Variants in ZC3H12B observed in about 807,000 individuals in gnomAD.
ZC3H12B encodes the protein probable ribonuclease ZC3H12B.
In ZC3H12B, 7 loss-of-function variants were observed where a neutral mutation model predicts 43.9. The observed-to-expected ratio is 0.16, with a 90% CI of 0.09 to 0.30. ZC3H12B has a LOEUF of 0.30. ZC3H12B is among the 10% of genes least tolerant of loss of function. ZC3H12B has a pLI of 1.00. For synonymous variants in ZC3H12B, 222 were observed against 241.7 expected, an observed-to-expected ratio of 0.92 and a Z score of 0.76; for missense variants, 475 against 670.2, an observed-to-expected ratio of 0.71 and a Z score of 3.22.
the ZC3H12B span, among the ~76,000 whole-genome samples, chrX:65,140,404 T>C: frequency 3.7e-3 from 419 of 111,909 alleles, 1 homozygote; most frequent in African/African-American, 0.013. Flanking sequence ...AATTTATAAA[T>C]TTGTATATAT....
At chrX:65,249,152 G>A in the ZC3H12B span, among the ~76,000 whole-genome samples, 1 of 111,260 alleles carries the variant, frequency 9.0e-6, no homozygotes, top group East Asian at 2.8e-4. Context: ...TAAAATCCTT[G>A]CCTAAACCAA....
At chrX:65,228,954 C>G in the ZC3H12B span, among the ~76,000 whole-genome samples, 1 of 111,891 alleles carries the variant, frequency 8.9e-6, no homozygotes, top group Non-Finnish European at 1.9e-5. Context: ...AATGGCCATA[C>G]TGCCTAAGGT....
chrX:65,448,937 A>AAAAGAAAGAAAGAAAAAG (rs1556209101), intron 3 of ZC3H12B, among the ~76,000 whole-genome samples: 25 of 26,855 alleles, frequency 9.3e-4, no homozygotes, highest in African/African-American at 2.2e-3. Context: ...AAAGAGAAGG[A>AAAAGAAAGAAAGAAAAAG]AAAGAAAGAA....
At chrX:65,265,555 A>G in the ZC3H12B span, among the ~76,000 whole-genome samples, 1 of 112,009 alleles carries the variant, frequency 8.9e-6, no homozygotes, top group Non-Finnish European at 1.9e-5. Context: ...AGGCTTATAA[A>G]CATTTCCTAA....
chrX:65,255,908 C>A, the ZC3H12B span, among the ~76,000 whole-genome samples: 7 of 112,167 alleles, frequency 6.2e-5, no homozygotes, highest in Non-Finnish European at 1.3e-4. Flanking sequence ...ACAAAACTGA[C>A]TTTAAACCAA....
At chrX:65,094,802 G>A in the ZC3H12B span, among the ~76,000 whole-genome samples, 4 of 112,077 alleles carry the variant, frequency 3.6e-5, no homozygotes, top group Non-Finnish European at 5.6e-5. Flanking sequence ...TGAGAAAATG[G>A]GAAGTACACA....
At chrX:65,203,782 A>C in the ZC3H12B span, among the ~76,000 whole-genome samples, 1 of 111,632 alleles carries the variant, frequency 9.0e-6, no homozygotes, top group Non-Finnish European at 1.9e-5. Context: ...GCTGGCACTA[A>C]GCCCAGCACA....
chrX:65,119,882 A>T, the ZC3H12B span, among the ~76,000 whole-genome samples: 2 of 111,917 alleles, frequency 1.8e-5, no homozygotes, highest in South Asian at 7.4e-4. Flanking sequence ...CAGTTTTCCT[A>T]GCACCATTTA....
chrX:65,446,177 C>A (rs1170622243), intron 3 of ZC3H12B, among the ~76,000 whole-genome samples: 37 of 111,938 alleles, frequency 3.3e-4, no homozygotes, highest in Admixed American at 3.0e-3. Context: ...GGCCTGAGGA[C>A]ACTGCTTGGT....
At chrX:65,384,850 C>A (rs749002403) in intron 2 of ZC3H12B, among the ~76,000 whole-genome samples, 1 of 111,331 alleles carries the variant, frequency 9.0e-6, no homozygotes, top group East Asian at 2.8e-4. Context: ...AAAGAAAGAA[C>A]AGGAGTTGGA....
the ZC3H12B span, among the ~76,000 whole-genome samples, chrX:65,066,116 T>C: frequency 9.1e-6 from 1 of 110,025 alleles, no homozygotes; most frequent in Non-Finnish European, 1.9e-5. Flanking sequence ...AGTTTGTTAT[T>C]ACCCATCTTC....
chrX:65,172,843 T>C, the ZC3H12B span, among the ~76,000 whole-genome samples: 2 of 112,262 alleles, frequency 1.8e-5, no homozygotes, highest in Non-Finnish European at 3.8e-5. Flanking sequence ...TAGTATACTT[T>C]AAAATCAGGT....
chrX:65,330,714 T>C, the ZC3H12B span: 1 of 118,867 alleles, frequency 8.4e-6, no homozygotes, highest in East Asian at 2.6e-4. Flanking sequence ...CGTTTATTGA[T>C]TTTTGTATGT....
chrX:65,240,322 T>A, the ZC3H12B span, among the ~76,000 whole-genome samples: 1 of 111,963 alleles, frequency 8.9e-6, no homozygotes, highest in Non-Finnish European at 1.9e-5. Context: ...AGAAAGATAG[T>A]CTTCAAGCTC....
the ZC3H12B span, among the ~76,000 whole-genome samples, chrX:65,104,247 A>C: frequency 1.8e-5 from 2 of 112,117 alleles, no homozygotes; most frequent in East Asian, 5.6e-4. Context: ...CCCCTTCCTT[A>C]CACCTTATGC....
intron 3 of ZC3H12B, among the ~76,000 whole-genome samples, chrX:65,450,314 T>A (rs4446869): frequency 0.11 from 9,452 of 83,786 alleles, 1,601 homozygotes; most frequent in African/African-American, 0.4. Context: ...AAAAAAAAAA[T>A]ATATATATAT....
chrX:65,334,334 A>C, the ZC3H12B span, among the ~76,000 whole-genome samples: 1 of 111,989 alleles, frequency 8.9e-6, no homozygotes, highest in Non-Finnish European at 1.9e-5. Flanking sequence ...ACAACCTTTC[A>C]CTTGCTGAAA....
At chrX:65,505,918 G>A (rs1162877231) in exon 5 of ZC3H12B, 1 of 112,626 alleles carries the variant, frequency 8.9e-6, no homozygotes, top group Non-Finnish European at 1.9e-5. Flanking sequence ...AACCAAAAGC[G>A]GCTAGGAGCA....
At chrX:65,104,803 G>C in the ZC3H12B span, among the ~76,000 whole-genome samples, 1 of 111,727 alleles carries the variant, frequency 9.0e-6, no homozygotes, top group African/African-American at 3.3e-5. Flanking sequence ...TACACTATTG[G>C]TGGGAGTGTA....
Sources: gnomAD v4.1 joint callset for allele counts (sites outside exome capture counted in the v4.1 genomes callset) on GRCh38, gnomAD v4.1.1 for gene constraint, MANE v1.5 for transcripts, NCBI Gene and HGNC (gene_info 2026-07-23, HGNC 2026-07-21) for gene names.